Variants in ITGA9 observed in about 807,000 individuals in gnomAD.
The protein encoded by ITGA9 is integrin subunit alpha 9.
In ITGA9, 56 loss-of-function variants were observed where a neutral mutation model predicts 127.8. The observed-to-expected ratio is 0.44, with a 90% CI of 0.35 to 0.55. ITGA9 has a LOEUF of 0.55. ITGA9 is among the 20% of genes least tolerant of loss of function. ITGA9 has a pLI of 0.00. For missense variants in ITGA9, 1,196 were observed against 1,347.1 expected (o/e 0.89, Z 1.76); for synonymous variants, 508 against 514.5 (o/e 0.99, Z 0.17).
chr3:37,590,977 C>T (rs1699812230), intron 15 of ITGA9, among the ~76,000 whole-genome samples: 1 of 152,166 alleles, frequency 6.6e-6, no homozygotes, highest in Non-Finnish European at 1.5e-5. Context: ...GCAGGAAGTC[C>T]TCGCCTCTGC....
chr3:37,780,922 C>T (rs552750586), intron 25 of ITGA9, among the ~76,000 whole-genome samples: 2 of 152,296 alleles, frequency 1.3e-5, no homozygotes, highest in Non-Finnish European at 2.9e-5. Context: ...GGTAATTTTG[C>T]TGGTAGATAA....
chr3:37,664,896 T>C (rs868841006), intron 17 of ITGA9, among the ~76,000 whole-genome samples: 2 of 152,098 alleles, frequency 1.3e-5, no homozygotes, highest in South Asian at 4.2e-4. Flanking sequence ...ATTAGCCGTG[T>C]AATTTTTTTC....
At chr3:37,794,720 A>G (rs944860572) in intron 26 of ITGA9, among the ~76,000 whole-genome samples, 1 of 152,238 alleles carries the variant, frequency 6.6e-6, no homozygotes, top group Non-Finnish European at 1.5e-5. Context: ...AGTAACAGGA[A>G]TTAGAAAGCC....
At chr3:37,528,786 T>C (rs1255899358) in intron 13 of ITGA9, among the ~76,000 whole-genome samples, 1 of 152,230 alleles carries the variant, frequency 6.6e-6, no homozygotes, top group African/African-American at 2.4e-5. Context: ...TTGCATGCAA[T>C]AAAATGCACC....
At chr3:37,780,107 G>T (rs1696958947) in intron 25 of ITGA9, 86 bp downstream of exon 25, 2 of 1,539,844 alleles carry the variant, frequency 1.3e-6, no homozygotes, top group East Asian at 2.3e-5. Flanking sequence ...AAAGGAAAAA[G>T]GAAAGCATTT....
At chr3:37,604,964 G>A (rs1417661331) in intron 15 of ITGA9, among the ~76,000 whole-genome samples, 1 of 152,048 alleles carries the variant, frequency 6.6e-6, no homozygotes, top group Non-Finnish European at 1.5e-5. Context: ...GCTATTCAGA[G>A]GTCAATGAAA....
chr3:37,780,525 T>G lies in ITGA9; in HGVS notation c.2787+504T>G, dbSNP rs1469147171. On this transcript the variant is annotated intron_variant, in intron 25 of 27. Coordinates refer to ENST00000264741, the MANE Select transcript of ITGA9 (RefSeq NM_002207.3). The stretch of plus-strand genomic sequence containing the variant: ...TGGCTGAGTAATATTCCATGGTGTG[T>G]GTGTGTGTGTATATATATATATATA... 1.3e-4 allele frequency among the ~76,000 whole-genome samples: 3 copies of G among 23,050 alleles called. No homozygotes were observed. In the East Asian group the frequency reaches 5.1e-3, roughly 39 times the overall value. 15.1% of individuals were successfully genotyped at this position (23,050 alleles called of 152,430 possible).
intron 23 of ITGA9, among the ~76,000 whole-genome samples, chr3:37,754,919 A>G (rs1048729230): frequency 6.6e-6 from 1 of 152,190 alleles, no homozygotes. Context: ...ACTGACCATA[A>G]CAGGAGCTTA....
intron 18 of ITGA9, among the ~76,000 whole-genome samples, chr3:37,709,870 G>GA (rs1241252759): frequency 3.3e-5 from 5 of 152,232 alleles, no homozygotes; most frequent in Non-Finnish European, 7.3e-5. Context: ...TGCTACTCAG[G>GA]AAGCAGAGGC....
intron 4 of ITGA9, among the ~76,000 whole-genome samples, chr3:37,490,042 A>G (rs1429540473): frequency 1.6e-5 from 2 of 125,588 alleles, no homozygotes; most frequent in Non-Finnish European, 3.4e-5. Flanking sequence ...TTTTAAAGAG[A>G]GCAGACTACG....
chr3:37,531,040 C>CG (rs1699146376), intron 13 of ITGA9, among the ~76,000 whole-genome samples: 1 of 151,958 alleles, frequency 6.6e-6, no homozygotes, highest in Non-Finnish European at 1.5e-5. Flanking sequence ...CGTGAGCCAC[C>CG]GCGCCCGGCC....
rs1268059913 is a variant in ITGA9 at position 37,821,040 on chromosome 3, G to A, written c.*2051G>A. 6.6e-6 allele frequency: 1 copy of A among 152,126 alleles called. No homozygotes were observed. Among genetic ancestry groups the A allele is most frequent in the East Asian group, 1.9e-4 (1 of 5,200 alleles). The allele number at this position is 152,126 out of a possible 1,614,324, so 9.4% of individuals were successfully genotyped here. A position where few individuals can be genotyped will look rare whatever the true frequency, so the allele number is the denominator to read the frequency against. ...TGGCATGGAGCAGGTGTGTCTTTTGGTTTCTTATGCAGTTGACTCTGCTGC... is the reference window on the plus strand; with the variant it reads ...TGGCATGGAGCAGGTGTGTCTTTTGATTTCTTATGCAGTTGACTCTGCTGC... On this transcript the variant is annotated 3_prime_UTR_variant, in exon 28 of 28. Coordinates refer to ENST00000264741, the MANE Select transcript of ITGA9 (RefSeq NM_002207.3).
chr3:37,763,378 T>C (rs1696744554), intron 23 of ITGA9, among the ~76,000 whole-genome samples: 1 of 152,200 alleles, frequency 6.6e-6, no homozygotes, highest in Non-Finnish European at 1.5e-5. Context: ...TTGCCAAGTC[T>C]ATGTCTTTTC....
intron 26 of ITGA9, among the ~76,000 whole-genome samples, chr3:37,788,300 T>G (rs9875428): frequency 0.54 from 81,424 of 151,732 alleles, 22,162 homozygotes; most frequent in African/African-American, 0.59. Context: ...CTGTTTTTTG[T>G]CAAAACAGAA....
intron 13 of ITGA9, among the ~76,000 whole-genome samples, chr3:37,530,224 G>A (rs111679268): frequency 8.2e-4 from 125 of 152,342 alleles, no homozygotes; most frequent in African/African-American, 2.8e-3. Context: ...CAGCAGTGAA[G>A]GCCTGGAGGC....
chr3:37,475,581 T>A (rs1698485378), intron 3 of ITGA9, among the ~76,000 whole-genome samples: 2 of 152,210 alleles, frequency 1.3e-5, no homozygotes, highest in African/African-American at 2.4e-5. Flanking sequence ...CCTGTCTAAT[T>A]AATTGCATGC....
At chr3:37,459,309 G>T (rs1698292919) in intron 1 of ITGA9, among the ~76,000 whole-genome samples, 1 of 152,232 alleles carries the variant, frequency 6.6e-6, no homozygotes, top group Admixed American at 6.5e-5. Flanking sequence ...GCTTATAAAT[G>T]ACAGAATTTA....
intron 17 of ITGA9, among the ~76,000 whole-genome samples, chr3:37,677,652 C>T (rs1242041995): frequency 2.0e-5 from 3 of 152,220 alleles, no homozygotes; most frequent in Non-Finnish European, 2.9e-5. Flanking sequence ...GGCAAAGGAG[C>T]ACTGACTGGA....
intron 16 of ITGA9, among the ~76,000 whole-genome samples, chr3:37,640,781 G>A (rs1452054190): frequency 6.6e-6 from 1 of 152,210 alleles, no homozygotes; most frequent in Non-Finnish European, 1.5e-5. Flanking sequence ...CAGGGCCCTG[G>A]CCCAGAGCAC....
Sources: gnomAD v4.1 joint callset for allele counts (sites outside exome capture counted in the v4.1 genomes callset) on GRCh38, gnomAD v4.1.1 for gene constraint, MANE v1.5 for transcripts, NCBI Gene and HGNC (gene_info 2026-07-23, HGNC 2026-07-21) for gene names.